The following CNTN6 variants were observed in gnomAD, a reference collection of about 807,000 sequenced individuals.
The protein encoded by CNTN6 is contactin-6.
Under a neutral mutation model 122.8 loss-of-function variants are expected in CNTN6, and 137 were observed. The observed-to-expected ratio is 1.12, with a 90% CI of 0.97 to 1.29. The LOEUF (loss-of-function observed/expected upper bound fraction) is 1.29, where lower values mean the gene tolerates loss of function less well. Among genes scored for constraint, CNTN6 ranks in the 50% most tolerant of loss-of-function variants. CNTN6 has a pLI of 0.00. For synonymous variants in CNTN6, 570 were observed against 426.0 expected, an observed-to-expected ratio of 1.34 and a Z score of -4.16; for missense variants, 1,634 against 1,223.4, an observed-to-expected ratio of 1.34 and a Z score of -5.01.
intron 4 of CNTN6, among the ~76,000 whole-genome samples, chr3:1,270,841 G>T (rs999994176): frequency 6.6e-6 from 1 of 152,186 alleles, no homozygotes; most frequent in African/African-American, 2.4e-5. Context: ...GTATGGTCTG[G>T]TGGTTAAGCG....
intron 4 of CNTN6, among the ~76,000 whole-genome samples, chr3:1,235,755 C>T (rs1196167171): frequency 6.6e-6 from 1 of 152,252 alleles, no homozygotes; most frequent in Admixed American, 6.5e-5. Context: ...CCCTGAGATG[C>T]AGAAAAACTG....
In CNTN6 at chr3:1,233,595, T is replaced by C. The variant is rs776385886; in HGVS notation, c.358+5602T>C. ...TAAAAAATACAAAAAATTAGCCGGG[T>C]GTGGTGGTGTGCACCTGTAATCCCA... On this transcript the variant is annotated intron_variant, in intron 4 of 22. Transcript: ENST00000446702. Among the ~76,000 whole-genome samples the C allele has an allele frequency of 2.2e-3, 329 of 151,146 alleles. 3 individuals carry two copies. The highest frequency in any genetic ancestry group is 5.2e-3 in the African/African-American group (213 of 41,190).
chr3:1,258,076 G>T (rs1575451369), intron 4 of CNTN6, among the ~76,000 whole-genome samples: 2 of 152,132 alleles, frequency 1.3e-5, no homozygotes, highest in South Asian at 4.1e-4. Context: ...TCCCCTCCAA[G>T]TTGTATTGGA....
chr3:1,352,908 A>G (rs956677495), intron 12 of CNTN6, among the ~76,000 whole-genome samples: 5 of 151,712 alleles, frequency 3.3e-5, no homozygotes, highest in South Asian at 2.1e-4. Context: ...CAGGGTCACA[A>G]CCTTTAGTAA....
chr3:1,374,813 C>T (rs1349704945), intron 16 of CNTN6, among the ~76,000 whole-genome samples: 1 of 151,994 alleles, frequency 6.6e-6, no homozygotes, highest in Non-Finnish European at 1.5e-5. Flanking sequence ...AAAGTGTGCA[C>T]AATTGTCAGA....
At chr3:1,100,086 A>G (rs2090799667) in intron 1 of CNTN6, among the ~76,000 whole-genome samples, 1 of 152,076 alleles carries the variant, frequency 6.6e-6, no homozygotes, top group Admixed American at 6.6e-5. Flanking sequence ...AGGTTTTTTT[A>G]GACTTATGAC....
At chr3:1,226,211 T>C (rs530633005) in intron 3 of CNTN6, among the ~76,000 whole-genome samples, 1 of 152,144 alleles carries the variant, frequency 6.6e-6, no homozygotes. Context: ...TGTCATTTTT[T>C]AAAAAATTAA....
intron 4 of CNTN6, among the ~76,000 whole-genome samples, chr3:1,239,000 T>A (rs1167570082): frequency 6.6e-6 from 1 of 152,160 alleles, no homozygotes; most frequent in Admixed American, 6.6e-5. Flanking sequence ...TATTGAAGGC[T>A]ACTATGAACA....
chr3:1,250,908 C>T (rs889279720), intron 4 of CNTN6, among the ~76,000 whole-genome samples: 11 of 136,736 alleles, frequency 8.0e-5, no homozygotes, highest in Admixed American at 6.0e-4. Context: ...CCATCTCCTC[C>T]GTGCCATTTC....
intron 1 of CNTN6, among the ~76,000 whole-genome samples, chr3:1,114,770 C>T (rs570602969): frequency 6.6e-6 from 1 of 152,154 alleles, no homozygotes; most frequent in East Asian, 1.9e-4. Flanking sequence ...AAATGACTCT[C>T]AATAATGAAT....
intron 11 of CNTN6, 40 bp downstream of exon 11, chr3:1,329,975 A>G: frequency 7.6e-6 from 11 of 1,443,802 alleles, no homozygotes; most frequent in Non-Finnish European, 9.2e-6. Flanking sequence ...TTTGTTTGTA[A>G]TATAACATCT....
intron 12 of CNTN6, among the ~76,000 whole-genome samples, chr3:1,363,806 C>G (rs1055519001): frequency 2.0e-5 from 3 of 151,746 alleles, no homozygotes; most frequent in African/African-American, 7.3e-5. Context: ...TGTATGGTAT[C>G]TCTATTTTTA....
intron 2 of CNTN6, among the ~76,000 whole-genome samples, chr3:1,157,582 C>T (rs778953587): frequency 6.6e-6 from 1 of 152,116 alleles, no homozygotes; most frequent in Non-Finnish European, 1.5e-5. Flanking sequence ...CTATCAAATA[C>T]TAGCTTTTAT....
intron 11 of CNTN6, among the ~76,000 whole-genome samples, chr3:1,330,577 C>T (rs1702150524): frequency 6.6e-6 from 1 of 151,740 alleles, no homozygotes; most frequent in Non-Finnish European, 1.5e-5. Flanking sequence ...GTGACTAGAC[C>T]ACAGATGCTG....
At chr3:1,226,027 G>A (rs2094278526) in intron 3 of CNTN6, among the ~76,000 whole-genome samples, 1 of 152,118 alleles carries the variant, frequency 6.6e-6, no homozygotes, top group Non-Finnish European at 1.5e-5. Flanking sequence ...GCCCGAAGAA[G>A]TCAATGACAT....
rs75745489 is a variant in CNTN6 at position 1,403,401 on chromosome 3, A to C, written c.3070A>C (p.Ile1024Leu). 2,164 of 1,607,154 alleles carry C rather than the reference A, an allele frequency of 1.3e-3. 25 individuals carry two copies. The African/African-American group carries it at 0.026, about 19-fold the overall frequency. ...CATTGTGATTTTTCACTGTTTTGCT[A>C]TTCAGCCACTTATCTGATGAATAAA... is the stretch of plus-strand genomic sequence containing the variant. Reference protein sequence around the residue: ...IVIVIFHCFAIQPLI With the variant: ...IVIVIFHCFALQPLI Residue 1024 changes from isoleucine (I) to leucine (L), a missense_variant, in exon 23 of 23, where the codon ATT (isoleucine) becomes CTT (leucine). Physicochemically the swap from Ile to Leu is conservative, Grantham distance 5. Transcript: ENST00000446702.
intron 8 of CNTN6, 98 bp downstream of exon 8, chr3:1,321,932 G>A: frequency 9.6e-7 from 1 of 1,039,820 alleles, no homozygotes; most frequent in Non-Finnish European, 1.4e-6. Flanking sequence ...AGTGTCACGG[G>A]AGAAATAAGG....
intron 1 of CNTN6, among the ~76,000 whole-genome samples, chr3:1,132,458 T>A (rs943674875): frequency 1.2e-4 from 19 of 152,030 alleles, no homozygotes; most frequent in African/African-American, 4.6e-4. Context: ...GGTATGGTGG[T>A]TGAAGCCTGT....
At chr3:1,265,179 T>A (rs1389766353) in intron 4 of CNTN6, among the ~76,000 whole-genome samples, 1 of 151,738 alleles carries the variant, frequency 6.6e-6, no homozygotes, top group Non-Finnish European at 1.5e-5. Flanking sequence ...AATGCAGATA[T>A]CTCTTTGGCA....
Sources: allele counts gnomAD v4.1 joint callset (sites outside exome capture counted in the v4.1 genomes callset), GRCh38; gene constraint gnomAD v4.1.1; transcripts MANE v1.5; gene names NCBI Gene and HGNC (gene_info 2026-07-23, HGNC 2026-07-21).